The following PAFAH1B3 variants were observed in gnomAD, a reference collection of about 807,000 sequenced individuals.
The protein encoded by PAFAH1B3 is platelet activating factor acetylhydrolase 1b catalytic subunit 3, also known as platelet-activating factor acetylhydrolase IB subunit alpha1.
In PAFAH1B3, 15 loss-of-function variants were observed where a neutral mutation model predicts 24.4. The ratio of observed to expected loss-of-function variants is 0.62; its 90% confidence interval spans 0.41 to 0.95. The LOEUF is 0.95. PAFAH1B3 is among the 40% of genes least tolerant of loss of function. The pLI is 0.00. For synonymous variants in PAFAH1B3, 144 were observed against 126.5 expected, an observed-to-expected ratio of 1.14 and a Z score of -0.93; for missense variants, 266 against 312.2, an observed-to-expected ratio of 0.85 and a Z score of 1.12.
At chr19:42,298,298 C>G (rs889452969) in intron 4 of PAFAH1B3, among the ~76,000 whole-genome samples, 1 of 152,154 alleles carries the variant, frequency 6.6e-6, no homozygotes, top group Non-Finnish European at 1.5e-5. Flanking sequence ...TGAGGCCAGC[C>G]CGGCCAACAT....
chr19:42,302,280 C>G lies in PAFAH1B3; in HGVS notation c.30G>C (p.Lys10Asn), dbSNP rs747110583. The change falls in exon 1 of 5, where the codon AAG becomes AAC. Residue 10 changes from lysine (K) to asparagine (N), a missense_variant. Lys to Asn is a moderately conservative substitution (Grantham distance 94). Transcript: ENST00000262890. MSGEENPAS[K>N]PTPVQDVQGD... ...CCTGTACGTCCTGCACCGGCGTGGG[C>G]TTGCTGGCTGGGTTCTCCTCTCCAC... The G allele has an allele frequency of 3.1e-6, 5 of 1,607,200 alleles. No homozygotes were observed. In the East Asian group the frequency reaches 1.1e-4, roughly 36 times the overall value.
At chr19:42,300,668 C>T (rs2038607890) in intron 2 of PAFAH1B3, among the ~76,000 whole-genome samples, 1 of 152,128 alleles carries the variant, frequency 6.6e-6, no homozygotes, top group South Asian at 2.1e-4. Flanking sequence ...CAGGTGTACG[C>T]CACCACGTCC....
intron 3 of PAFAH1B3, 39 bp downstream of exon 3, chr19:42,300,132 C>T: frequency 6.2e-7 from 1 of 1,613,890 alleles, no homozygotes; most frequent in Non-Finnish European, 8.5e-7. Flanking sequence ...GAGGGGGCAG[C>T]CAAAAGATGT....
chr19:42,300,586 C>T (rs1343274126), intron 2 of PAFAH1B3, among the ~76,000 whole-genome samples: 3 of 152,158 alleles, frequency 2.0e-5, no homozygotes, highest in Admixed American at 6.5e-5. Flanking sequence ...GGCACTATCT[C>T]GGCTCACTGC....
chr19:42,299,305 G>A (rs1233933297), intron 4 of PAFAH1B3, among the ~76,000 whole-genome samples: 2 of 152,068 alleles, frequency 1.3e-5, no homozygotes, highest in Admixed American at 6.6e-5. Flanking sequence ...TAGTAGAGAT[G>A]GAGTTTCTCC....
Position 42,302,504 on chromosome 19 carries a change from G to A in PAFAH1B3, c.-195C>T. 3.5e-6 allele frequency: 2 copies of A among 564,530 alleles called. No homozygotes were observed. Among genetic ancestry groups the A allele is most frequent in the Non-Finnish European group, 6.2e-6 (2 of 320,088 alleles). 35.0% of individuals were successfully genotyped at this position (564,530 alleles called of 1,614,324 possible). A position where few individuals can be genotyped will look rare whatever the true frequency, so the allele number is the denominator to read the frequency against. Reference sequence around the variant, plus strand: ...AGGGACGGAAGCCTTCACTTAGGAGGTAGGTGGAATCAGGAACCTTCGCTT... The same window carrying A: ...AGGGACGGAAGCCTTCACTTAGGAGATAGGTGGAATCAGGAACCTTCGCTT... On this transcript the variant is annotated 5_prime_UTR_variant, in exon 1 of 5. Coordinates refer to ENST00000262890, the MANE Select transcript of PAFAH1B3 (RefSeq NM_002573.4).
In PAFAH1B3 at chr19:42,297,342, A is replaced by G; in HGVS notation, c.432T>C (p.His144=). The G allele has an allele frequency of 1.2e-6, 2 of 1,609,056 alleles. No homozygotes were observed. The highest frequency in any genetic ancestry group is 2.2e-5 in the South Asian group (2 of 91,014). The change falls in exon 5 of 5, where the codon CAT becomes CAC. Residue 144 remains histidine, a synonymous_variant. Coordinates refer to ENST00000262890, the MANE Select transcript of PAFAH1B3 (RefSeq NM_002573.4). ...GGTTCTTCTCCCGAAGTGGGTTGGG[A>G]TGTTGGCCTCGCGGAAGCAGGCCCT... is the stretch of plus-strand genomic sequence containing the variant. ...VVLGLLPRGQ[H]PNPLREKNRQ...
chr19:42,301,944 C>T lies in PAFAH1B3; in HGVS notation c.168+6G>A, dbSNP rs754559235. On this transcript the variant is annotated splice_donor_region_variant and intron_variant, in intron 2 of 4. Transcript: ENST00000262890. ...GATGGGGCAGGGGGAGAGGGACTGC[C>T]CTCACCTCGCACTGGTGCATGAGCT... 3.1e-5 allele frequency: 48 copies of T among 1,554,220 alleles called. No homozygotes were observed. The highest frequency in any genetic ancestry group is 3.8e-5 in the Non-Finnish European group (44 of 1,148,398).
intron 2 of PAFAH1B3, 57 bp downstream of exon 2, chr19:42,301,893 G>A: frequency 7.2e-7 from 1 of 1,393,258 alleles, no homozygotes; most frequent in Non-Finnish European, 1.0e-6. Flanking sequence ...TTCTGGTCCA[G>A]ATGTGTCAGC....
Position 42,302,442 on chromosome 19 carries a change from G to T in PAFAH1B3, c.-133C>A. 1 of 760,692 alleles carries T rather than the reference G, an allele frequency of 1.3e-6. No individual in the cohort carries two copies. Among genetic ancestry groups the T allele is most frequent in the Non-Finnish European group, 2.1e-6 (1 of 480,336 alleles). The allele number at this position is 760,692 out of a possible 1,614,324, so 47.1% of individuals were successfully genotyped here. ...CCGTCCCAACGCTAGCACACCCGCG[G>T]AGGACGAAGGCCGATACAGGGCGCC... On this transcript the variant is annotated 5_prime_UTR_variant, in exon 1 of 5. Transcript: ENST00000262890.
chr19:42,302,151 G>A (rs2038641242), intron 1 of PAFAH1B3, 81 bp downstream of exon 1: 1 of 1,493,820 alleles, frequency 6.7e-7, no homozygotes, highest in Non-Finnish European at 9.1e-7. Context: ...ATCAGGTAGT[G>A]AGAGTGGCAC....
intron 2 of PAFAH1B3, among the ~76,000 whole-genome samples, chr19:42,301,245 A>C (rs1345537282): frequency 2.0e-5 from 3 of 152,140 alleles, no homozygotes; most frequent in Non-Finnish European, 4.4e-5. Flanking sequence ...AAATTACAAA[A>C]ATTAGCCAGG....
At chr19:42,300,969 C>A (rs1169658120) in intron 2 of PAFAH1B3, among the ~76,000 whole-genome samples, 1 of 152,150 alleles carries the variant, frequency 6.6e-6, no homozygotes, top group East Asian at 1.9e-4. Context: ...CATGTGCCAC[C>A]ATGCCCAGCT....
At position 42,297,049 on chromosome 19, in the gene PAFAH1B3, T is replaced by A; in HGVS notation, c.*29A>T. ...GAAACAGCACACTGAGGAAGGAGAGTTTAATGTTGTGGGAAGGCAGCAGGA... is the reference window on the plus strand; with the variant it reads ...GAAACAGCACACTGAGGAAGGAGAGATTAATGTTGTGGGAAGGCAGCAGGA... On this transcript the variant is annotated 3_prime_UTR_variant, in exon 5 of 5. Coordinates refer to ENST00000262890, the MANE Select transcript of PAFAH1B3 (RefSeq NM_002573.4). 6.3e-7 allele frequency: 1 copy of A among 1,576,948 alleles called. No homozygotes were observed. Among genetic ancestry groups the A allele is most frequent in the Non-Finnish European group, 8.7e-7 (1 of 1,155,066 alleles).
In PAFAH1B3 at chr19:42,302,391, C is replaced by G; in HGVS notation, c.-82G>C. On this transcript the variant is annotated 5_prime_UTR_variant, in exon 1 of 5. Transcript: ENST00000262890. ...AACGGAGCTGGCTCCGCCACGCCCA[C>G]TCCTACCCCTCGCGGCAACAAAGGA... 1 of 1,260,726 alleles carries G rather than the reference C, an allele frequency of 7.9e-7. No homozygotes were observed. The highest frequency in any genetic ancestry group is 1.4e-5 in the South Asian group (1 of 73,190). 78.1% of individuals were successfully genotyped at this position (1,260,726 alleles called of 1,614,324 possible).
intron 2 of PAFAH1B3, among the ~76,000 whole-genome samples, 191 bp from the exon 3 acceptor site, chr19:42,300,478 G>A (rs1227213179): frequency 6.6e-6 from 1 of 152,172 alleles, no homozygotes; most frequent in Non-Finnish European, 1.5e-5. Flanking sequence ...AAATCTATTA[G>A]AGTCTCTCAC....
In PAFAH1B3 at chr19:42,300,194, C is replaced by T. The variant is rs753197263; in HGVS notation, c.262G>A (p.Glu88Lys). Reference protein sequence around the residue: ...QHVLWRLENGELEHIRPKIVV... With the variant: ...QHVLWRLENGKLEHIRPKIVV... Reference sequence around the variant, plus strand: ...ACCTTGGGCCGGATGTGTTCCAGCTCCCCATTCTCCAGCCGCCACAGTACA... The same window carrying T: ...ACCTTGGGCCGGATGTGTTCCAGCTTCCCATTCTCCAGCCGCCACAGTACA... The change falls in exon 3 of 5, where the codon GAG becomes AAG. Residue 88 changes from glutamate (E) to lysine (K), a missense_variant. By Grantham distance (56) the Glu-to-Lys change is moderately conservative. Coordinates refer to ENST00000262890, the MANE Select transcript of PAFAH1B3 (RefSeq NM_002573.4). 1.2e-6 allele frequency: 2 copies of T among 1,614,222 alleles called. No homozygotes were observed. Among genetic ancestry groups the T allele is most frequent in the South Asian group, 1.1e-5 (1 of 91,088 alleles).
At chr19:42,300,407 G>A (rs907030268) in intron 2 of PAFAH1B3, 120 bp from the exon 3 acceptor site, 3 of 839,664 alleles carry the variant, frequency 3.6e-6, no homozygotes, top group African/African-American at 3.3e-5. Flanking sequence ...CTTACTTCAT[G>A]GAAGCAGTCT....
Position 42,297,057 on chromosome 19 carries a change from T to A in PAFAH1B3, c.*21A>T, listed in dbSNP as rs2038533982. On this transcript the variant is annotated 3_prime_UTR_variant, in exon 5 of 5. Transcript: ENST00000262890. ...ACACTGAGGAAGGAGAGTTTAATGT[T>A]GTGGGAAGGCAGCAGGATGCTTAGG... is the stretch of plus-strand genomic sequence containing the variant. The A allele has an allele frequency of 6.3e-7, 1 of 1,590,326 alleles. No homozygotes were observed. Among genetic ancestry groups the A allele is most frequent in the Admixed American group, 1.7e-5 (1 of 59,292 alleles).
Sources: allele counts gnomAD v4.1 joint callset (sites outside exome capture counted in the v4.1 genomes callset), GRCh38; gene constraint gnomAD v4.1.1; transcripts MANE v1.5; gene names NCBI Gene and HGNC (gene_info 2026-07-23, HGNC 2026-07-21).